The following WDPCP variants were observed in gnomAD, a reference collection of about 807,000 sequenced individuals.
WDPCP encodes the protein WD repeat containing planar cell polarity effector.
WDPCP carries 71 observed loss-of-function variants against 93.1 expected under a neutral mutation model. The observed-to-expected ratio is 0.76, with a 90% CI of 0.63 to 0.93. The LOEUF is 0.93. Ranked by LOEUF, WDPCP falls within the 40% of genes least tolerant of loss-of-function variation. The pLI, the probability that WDPCP is intolerant of heterozygous loss-of-function variation, is 0.00. For synonymous variants in WDPCP, 315 were observed against 315.0 expected (o/e 1.00, Z 0.00); for missense variants, 844 against 887.4 (o/e 0.95, Z 0.62).
intron 3 of WDPCP, among the ~76,000 whole-genome samples, chr2:63,625,305 A>C (rs1709798068): frequency 6.6e-6 from 1 of 152,196 alleles, no homozygotes; most frequent in South Asian, 2.1e-4. Flanking sequence ...ACTCCTATTC[A>C]ACATATTGGA....
Position 63,288,922 on chromosome 2 carries a change from A to G in WDPCP, c.1812+24326T>C, listed in dbSNP as rs115011327. ...AATGTAGGTTCAATCGATACTCCCC[A>G]TGACTAGATTTGGGTTATGCATTTT... is the stretch of plus-strand genomic sequence containing the variant. On this transcript the variant is annotated intron_variant, in intron 13 of 17. Transcript: ENST00000272321. Among the ~76,000 whole-genome samples, 1,001 of 152,086 alleles carry G rather than the reference A, an allele frequency of 6.6e-3. 12 individuals are homozygous for G. The highest frequency in any genetic ancestry group is 0.023 in the African/African-American group (950 of 41,522).
At chr2:63,665,202 C>G (rs888655396) in intron 2 of WDPCP, among the ~76,000 whole-genome samples, 1 of 152,176 alleles carries the variant, frequency 6.6e-6, no homozygotes, top group African/African-American at 2.4e-5. Flanking sequence ...TGCGTTGTCT[C>G]ATGGTTCTCA....
intron 12 of WDPCP, among the ~76,000 whole-genome samples, chr2:63,373,465 G>T (rs7556900): frequency 0.55 from 83,418 of 150,856 alleles, 23,358 homozygotes; most frequent in Admixed American, 0.63. Flanking sequence ...TGTGTTGCTT[G>T]TGCTGGTCTC....
intron 6 of WDPCP, among the ~76,000 whole-genome samples, chr2:63,453,076 AG>A (rs1238486293): frequency 6.6e-5 from 10 of 152,352 alleles, no homozygotes; most frequent in African/African-American, 2.2e-4. Flanking sequence ...TGGCAACAAA[AG>A]CCAAAATTGA....
intron 2 of WDPCP, among the ~76,000 whole-genome samples, chr2:63,769,280 A>G (rs1192995637): frequency 6.6e-6 from 1 of 151,982 alleles, no homozygotes; most frequent in African/African-American, 2.4e-5. Flanking sequence ...CAACTGTCTC[A>G]CTGAGAAAAA....
At chr2:63,487,841 T>C (rs1700657336) in intron 2 of WDPCP, among the ~76,000 whole-genome samples, 1 of 152,094 alleles carries the variant, frequency 6.6e-6, no homozygotes. Context: ...CACTAAGCAA[T>C]GCCAGATGAA....
At chr2:63,508,299 G>C (rs1242800288) in intron 1 of WDPCP, among the ~76,000 whole-genome samples, 2 of 152,132 alleles carry the variant, frequency 1.3e-5, no homozygotes, top group African/African-American at 2.4e-5. Context: ...TTAAAGAAAA[G>C]AATTTTCAAC....
chr2:63,271,623 C>G (rs562934430), intron 13 of WDPCP, among the ~76,000 whole-genome samples: 1 of 152,308 alleles, frequency 6.6e-6, no homozygotes, highest in South Asian at 2.1e-4. Flanking sequence ...CAGGCCTGCC[C>G]TGCCCACTGC....
At chr2:63,134,622 G>C (rs955594914) in intron 17 of WDPCP, among the ~76,000 whole-genome samples, 1 of 152,136 alleles carries the variant, frequency 6.6e-6, no homozygotes, top group Non-Finnish European at 1.5e-5. Flanking sequence ...TTTGTTCTTG[G>C]TATCAAATAT....
intron 10 of WDPCP, among the ~76,000 whole-genome samples, chr2:63,395,046 A>G (rs1003025606): frequency 1.3e-5 from 2 of 152,120 alleles, no homozygotes; most frequent in Admixed American, 6.6e-5. Flanking sequence ...AAAGTTAAAA[A>G]AATTGTGGTG....
At chr2:63,285,495 G>C (rs1683927512) in intron 13 of WDPCP, among the ~76,000 whole-genome samples, 1 of 148,698 alleles carries the variant, frequency 6.7e-6, no homozygotes. Context: ...AGATGAAAAA[G>C]CAGGAATCAA....
intron 2 of WDPCP, among the ~76,000 whole-genome samples, chr2:63,747,233 G>C (rs2103872048): frequency 6.6e-6 from 1 of 152,132 alleles, no homozygotes; most frequent in South Asian, 2.1e-4. Flanking sequence ...TTTGTAACTT[G>C]TCTTTGCACT....
chr2:63,596,190 T>C (rs527355018), intron 3 of WDPCP, among the ~76,000 whole-genome samples: 1 of 152,352 alleles, frequency 6.6e-6, no homozygotes, highest in African/African-American at 2.4e-5. Context: ...TCTTCAGCTA[T>C]TTCTTCATCA....
chr2:63,438,017 A>T, intron 7 of WDPCP: 2 of 1,286,062 alleles, frequency 1.6e-6, no homozygotes, highest in Non-Finnish European at 2.0e-6. Context: ...TTCATCAGTG[A>T]ATCTTCTTTT....
intron 6 of WDPCP, among the ~76,000 whole-genome samples, chr2:63,444,357 T>A (rs941047005): frequency 5.3e-5 from 8 of 152,124 alleles, no homozygotes; most frequent in Non-Finnish European, 1.2e-4. Flanking sequence ...TGGGGAAGCA[T>A]AGAGTTGCCA....
intron 3 of WDPCP, among the ~76,000 whole-genome samples, chr2:63,601,225 T>C (rs1709412096): frequency 6.6e-6 from 1 of 152,174 alleles, no homozygotes; most frequent in Admixed American, 6.5e-5. Flanking sequence ...TTTCTTCCTC[T>C]AGAAGAAGTT....
chr2:63,170,481 C>G (rs1312455154), intron 15 of WDPCP, among the ~76,000 whole-genome samples: 1 of 151,992 alleles, frequency 6.6e-6, no homozygotes, highest in South Asian at 2.1e-4. Flanking sequence ...CCATGTTGGC[C>G]AGGCTGGTCT....
At chr2:63,164,484 C>G (rs1221041207) in intron 15 of WDPCP, among the ~76,000 whole-genome samples, 1 of 152,094 alleles carries the variant, frequency 6.6e-6, no homozygotes, top group Non-Finnish European at 1.5e-5. Flanking sequence ...CCCCCAAACC[C>G]CTCTATTCCT....
At position 63,526,773 on chromosome 2, in the gene WDPCP, T is replaced by C. The variant is rs1349823934; in HGVS notation, c.76-33833A>G. 2.0e-5 allele frequency among the ~76,000 whole-genome samples: 3 copies of C among 152,212 alleles called. No homozygotes were observed. The East Asian group carries it at 5.8e-4, about 29-fold the overall frequency. On this transcript the variant is annotated intron_variant, in intron 1 of 17. Transcript: ENST00000272321. Reference sequence around the variant, plus strand: ...TTCTCCAATAACCCCCATACTTCAATCCCAGTTTTTTGTCACATTCTGTTT... The same window carrying C: ...TTCTCCAATAACCCCCATACTTCAACCCCAGTTTTTTGTCACATTCTGTTT...
Sources: gnomAD v4.1 joint callset for allele counts (sites outside exome capture counted in the v4.1 genomes callset) on GRCh38, gnomAD v4.1.1 for gene constraint, MANE v1.5 for transcripts, NCBI Gene and HGNC (gene_info 2026-07-23, HGNC 2026-07-21) for gene names.